GLIS3: variants seen among roughly 807,000 people sequenced by gnomAD.
GLIS3 encodes the protein GLIS family zinc finger 3.
In GLIS3, 53 loss-of-function variants were observed where a neutral mutation model predicts 78.6. That is an observed-to-expected ratio of 0.67 (90% CI 0.54 to 0.85). The LOEUF (loss-of-function observed/expected upper bound fraction) is 0.85, where lower values mean the gene tolerates loss of function less well. GLIS3 is among the 40% of genes least tolerant of loss of function. The probability of loss-of-function intolerance (pLI) is 0.00; values close to 1 mark genes in which losing one functional copy is unlikely to be tolerated. For synonymous variants in GLIS3, 684 were observed against 509.9 expected (o/e 1.34, Z -4.60); for missense variants, 1,703 against 1,231.1 (o/e 1.38, Z -5.74).
At chr9:4,436,210 A>G in the GLIS3 span, among the ~76,000 whole-genome samples, 5 of 152,204 alleles carry the variant, frequency 3.3e-5, no homozygotes, top group Non-Finnish European at 7.3e-5. Context: ...AAAAATTGGA[A>G]ACAACTATAG....
chr9:4,193,936 A>T (rs1417833950), intron 2 of GLIS3, among the ~76,000 whole-genome samples: 2 of 152,256 alleles, frequency 1.3e-5, no homozygotes, highest in African/African-American at 2.4e-5. Flanking sequence ...AGCGTGCTTA[A>T]CAACCAGATG....
intron 4 of GLIS3, among the ~76,000 whole-genome samples, chr9:4,111,683 C>A (rs77545302): frequency 0.025 from 3,761 of 152,346 alleles, 80 homozygotes; most frequent in Middle Eastern, 0.051. Context: ...CATGTGCTTA[C>A]ACAGATACAT....
At chr9:4,084,256 AACACACACACACACAC>A (rs370384726) in intron 4 of GLIS3, among the ~76,000 whole-genome samples, 1 of 132,120 alleles carries the variant, frequency 7.6e-6, no homozygotes, top group South Asian at 2.6e-4. Flanking sequence ...TCCTCTCTCT[AACACACACACACACAC>A]ACACACACAC....
chr9:3,838,993 C>G (rs932792752), intron 9 of GLIS3, among the ~76,000 whole-genome samples: 1 of 152,188 alleles, frequency 6.6e-6, no homozygotes, highest in African/African-American at 2.4e-5. Context: ...CAGCCTAATT[C>G]TATACATTCA....
the GLIS3 span, among the ~76,000 whole-genome samples, chr9:4,373,474 C>G: frequency 1.3e-5 from 2 of 152,274 alleles, no homozygotes; most frequent in South Asian, 2.1e-4. Context: ...GGGGAACAAA[C>G]TGCTCTGGGG....
At chr9:4,198,895 T>G (rs1396081557) in intron 2 of GLIS3, among the ~76,000 whole-genome samples, 1 of 152,164 alleles carries the variant, frequency 6.6e-6, no homozygotes, top group Non-Finnish European at 1.5e-5. Flanking sequence ...CAGGAGAGAT[T>G]AGATGTCAAT....
rs762314958 is a variant in GLIS3, at chr9:3,824,734, G to C, written c.*3538C>G. The C allele has an allele frequency of 6.6e-6, 1 of 152,458 alleles. No homozygotes were observed. Among genetic ancestry groups the C allele is most frequent in the Non-Finnish European group, 1.5e-5 (1 of 68,008 alleles). 9.4% of individuals were successfully genotyped at this position (152,458 alleles called of 1,614,324 possible). A position where few individuals can be genotyped will look rare whatever the true frequency, so the allele number is the denominator to read the frequency against. On this transcript the variant is annotated 3_prime_UTR_variant, in exon 11 of 11. Transcript: ENST00000381971. Reference sequence around the variant, plus strand: ...TGATATATGCAGTTCATTTCTCTACGTGAGTGTATATAACTATGTACAAGA... The same window carrying C: ...TGATATATGCAGTTCATTTCTCTACCTGAGTGTATATAACTATGTACAAGA...
At chr9:4,188,369 T>G (rs1818004854) in intron 2 of GLIS3, among the ~76,000 whole-genome samples, 1 of 149,260 alleles carries the variant, frequency 6.7e-6, no homozygotes, top group African/African-American at 2.5e-5. Context: ...GTGGATAAGC[T>G]TTTTGATGTG....
the GLIS3 span, among the ~76,000 whole-genome samples, chr9:4,443,479 G>C: frequency 6.6e-6 from 1 of 152,130 alleles, no homozygotes; most frequent in Non-Finnish European, 1.5e-5. Context: ...AAGTTGACTA[G>C]CAGAAAAATA....
chr9:4,177,867 T>A (rs957672136), intron 2 of GLIS3, among the ~76,000 whole-genome samples: 7 of 152,220 alleles, frequency 4.6e-5, no homozygotes, highest in Admixed American at 6.5e-5. Context: ...GCTGAATGTT[T>A]CCAGCAGATG....
At chr9:3,847,353 A>G (rs1197893926) in intron 9 of GLIS3, among the ~76,000 whole-genome samples, 1 of 152,236 alleles carries the variant, frequency 6.6e-6, no homozygotes, top group African/African-American at 2.4e-5. Context: ...GCCATAAGCA[A>G]AAATCCCTTT....
At chr9:3,874,692 T>C (rs1588132315) in intron 8 of GLIS3, among the ~76,000 whole-genome samples, 1 of 152,308 alleles carries the variant, frequency 6.6e-6, no homozygotes, top group East Asian at 1.9e-4. Flanking sequence ...AGCTGGTGTC[T>C]ACTGCACAAT....
At chr9:4,117,474 G>A (rs1425050675) in intron 4 of GLIS3, among the ~76,000 whole-genome samples, 3 of 152,176 alleles carry the variant, frequency 2.0e-5, no homozygotes, top group Non-Finnish European at 2.9e-5. Context: ...TACACATTAA[G>A]GAAATTCAAA....
intron 7 of GLIS3, among the ~76,000 whole-genome samples, chr9:3,888,394 T>C (rs943020055): frequency 6.6e-6 from 1 of 152,172 alleles, no homozygotes; most frequent in Admixed American, 6.5e-5. Flanking sequence ...ACTTCTAAAA[T>C]CACTTCACAG....
chr9:4,261,743 C>T (rs1048961839), intron 2 of GLIS3, among the ~76,000 whole-genome samples: 4 of 152,170 alleles, frequency 2.6e-5, no homozygotes, highest in African/African-American at 9.7e-5. Context: ...AAACGCAATT[C>T]CCATTTCAGA....
intron 9 of GLIS3, among the ~76,000 whole-genome samples, chr9:3,855,090 A>G (rs1249301542): frequency 6.6e-6 from 1 of 152,190 alleles, no homozygotes; most frequent in East Asian, 1.9e-4. Flanking sequence ...GCTTATACAG[A>G]TCTGATTGCC....
At chr9:4,106,017 A>C (rs1830723520) in intron 4 of GLIS3, among the ~76,000 whole-genome samples, 1 of 152,104 alleles carries the variant, frequency 6.6e-6, no homozygotes, top group Admixed American at 6.5e-5. Context: ...AATACTTCCC[A>C]CCTCAATTTA....
rs568710383 is a variant in GLIS3 at position 4,106,144 on chromosome 9, T to C, written c.1710+11624A>G. ...ACCTTAGACAAGTTTCGACAAGCAC[T>C]GCTGAATCACTTGAGATGGGCCAAA... On this transcript the variant is annotated intron_variant, in intron 4 of 10. Coordinates refer to ENST00000381971, the MANE Select transcript of GLIS3 (RefSeq NM_001042413.2). Among the ~76,000 whole-genome samples the C allele has an allele frequency of 6.6e-5, 10 of 152,304 alleles. 1 individual carries two copies. Among genetic ancestry groups the C allele is most frequent in the African/African-American group, 2.2e-4 (9 of 41,572 alleles).
intron 2 of GLIS3, among the ~76,000 whole-genome samples, chr9:4,187,763 G>A (rs1302374339): frequency 6.6e-6 from 1 of 152,094 alleles, no homozygotes; most frequent in Non-Finnish European, 1.5e-5. Context: ...AAGCAACTGT[G>A]AATGGGAGTT....
Sources: allele counts gnomAD v4.1 joint callset (sites outside exome capture counted in the v4.1 genomes callset), GRCh38; gene constraint gnomAD v4.1.1; transcripts MANE v1.5; gene names NCBI Gene and HGNC (gene_info 2026-07-23, HGNC 2026-07-21).